The following TMX3 variants were observed in gnomAD, a reference collection of about 807,000 sequenced individuals.
TMX3 encodes thioredoxin related transmembrane protein 3.
Under a neutral mutation model 64.4 loss-of-function variants are expected in TMX3, and 40 were observed. The observed-to-expected ratio is 0.62, with a 90% CI of 0.48 to 0.81. The LOEUF is 0.81. Ranked by LOEUF, TMX3 falls within the 30% of genes least tolerant of loss-of-function variation. The pLI is 0.00. For missense variants in TMX3, 497 were observed against 534.5 expected (o/e 0.93, Z 0.69); for synonymous variants, 189 against 175.7 (o/e 1.08, Z -0.60).
At chr18:68,714,884 G>C (rs1004472312) in intron 1 of TMX3, 52 bp downstream of exon 1, 34 of 1,546,648 alleles carry the variant, frequency 2.2e-5, no homozygotes, top group South Asian at 7.2e-5. Context: ...GCCCCACGGC[G>C]GGGCCAGGTC....
chr18:68,700,433 TATC>T lies in TMX3; in HGVS notation c.361_363del (p.Asp121del). Reference sequence around the variant, plus strand: ...GATACTCTGTGAGCAAACTCAATAATATCATCTTTTGTTCGTGGTCCTCTATAA... The same window carrying T: ...GATACTCTGTGAGCAAACTCAATAATATCTTTTGTTCGTGGTCCTCTATAA... On this transcript the variant is annotated inframe_deletion, in exon 6 of 16. Transcript: ENST00000299608. The T allele has an allele frequency of 6.3e-7, 1 of 1,582,094 alleles. No homozygotes were observed. The highest frequency in any genetic ancestry group is 8.6e-7 in the Non-Finnish European group (1 of 1,165,868).
At chr18:68,711,529 C>A (rs1201863460) in intron 2 of TMX3, 126 bp from the exon 3 acceptor site, 2 of 557,792 alleles carry the variant, frequency 3.6e-6, no homozygotes, top group South Asian at 4.1e-5. Context: ...TAATACTTTA[C>A]ATAAAATTTT....
Position 68,676,694 on chromosome 18 carries a change from T to C in TMX3, c.*239A>G. The C allele has an allele frequency of 1.9e-6, 1 of 526,188 alleles. No individual in the cohort carries two copies. Among genetic ancestry groups the C allele is most frequent in the Non-Finnish European group, 3.4e-6 (1 of 297,756 alleles). 32.6% of individuals were successfully genotyped at this position (526,188 alleles called of 1,614,324 possible). The stretch of plus-strand genomic sequence containing the variant: ...TGCAAATAGAATTGTTCTGTTCTAA[T>C]CACAAAGATCAGGTAAATTTTGATG... On this transcript the variant is annotated 3_prime_UTR_variant, in exon 16 of 16. Transcript: ENST00000299608.
intron 12 of TMX3, among the ~76,000 whole-genome samples, chr18:68,683,667 T>C (rs959589854): frequency 2.0e-5 from 3 of 152,060 alleles, no homozygotes; most frequent in African/African-American, 7.2e-5. Context: ...GATCAAAGTA[T>C]CTCTTTTTTT....
At chr18:68,680,402 C>T (rs1913303190) in intron 14 of TMX3, among the ~76,000 whole-genome samples, 1 of 152,064 alleles carries the variant, frequency 6.6e-6, no homozygotes, top group South Asian at 2.1e-4. Flanking sequence ...GTTTGAAAAA[C>T]ACTGCAGTTA....
chr18:68,704,377 G>C (rs1033011375), intron 4 of TMX3, among the ~76,000 whole-genome samples: 1 of 151,926 alleles, frequency 6.6e-6, no homozygotes. Context: ...AGGAAGATTC[G>C]GTAACTCGTT....
chr18:68,698,303 C>T (rs546876039), intron 6 of TMX3, among the ~76,000 whole-genome samples: 2 of 152,262 alleles, frequency 1.3e-5, no homozygotes, highest in Admixed American at 1.3e-4. Context: ...ACCATCATTA[C>T]TAGTATTTTG....
chr18:68,701,919 T>C (rs536515468), intron 4 of TMX3, 129 bp from the exon 5 acceptor site: 5 of 645,616 alleles, frequency 7.7e-6, no homozygotes, highest in Non-Finnish European at 7.7e-6. Flanking sequence ...TTTTAAGTCT[T>C]AAGATTATAA....
rs910220922 is a variant in TMX3 at position 68,706,853 on chromosome 18, T to C, written c.265+3168A>G. Among the ~76,000 whole-genome samples, 4 of 152,240 alleles carry C rather than the reference T, an allele frequency of 2.6e-5. 1 individual carries two copies. The highest frequency in any genetic ancestry group is 2.6e-4 in the Admixed American group (4 of 15,288). ...TGTTTGTAATATGTGAACGGTGGTT[T>C]TGAATACTTAACTTCTTTAACACTA... On this transcript the variant is annotated intron_variant, in intron 4 of 15. Transcript: ENST00000299608.
At chr18:68,679,437 C>G in intron 15 of TMX3, 26 bp downstream of exon 15, 1 of 1,574,936 alleles carries the variant, frequency 6.3e-7, no homozygotes, top group Non-Finnish European at 8.7e-7. Flanking sequence ...TCTTCATTAT[C>G]AATGACATAA....
At chr18:68,704,859 G>A (rs927672358) in intron 4 of TMX3, among the ~76,000 whole-genome samples, 3 of 152,068 alleles carry the variant, frequency 2.0e-5, no homozygotes, top group Non-Finnish European at 4.4e-5. Context: ...TGGATACTAG[G>A]CCTAATTCTG....
chr18:68,707,599 A>G (rs1236857084), intron 4 of TMX3, among the ~76,000 whole-genome samples: 1 of 152,092 alleles, frequency 6.6e-6, no homozygotes, highest in Non-Finnish European at 1.5e-5. Context: ...TATATGCACT[A>G]TTTTTCTCAT....
intron 7 of TMX3, chr18:68,697,597 T>C (rs1915219041): frequency 3.0e-6 from 1 of 335,930 alleles, no homozygotes. Flanking sequence ...GTGATGATTA[T>C]AGGAAGATAT....
intron 13 of TMX3, 28 bp downstream of exon 13, chr18:68,682,897 C>G (rs1466021281): frequency 6.3e-7 from 1 of 1,574,822 alleles, no homozygotes; most frequent in Non-Finnish European, 8.6e-7. Flanking sequence ...ATAGATTTGA[C>G]AGCAAAATCA....
At chr18:68,697,141 T>C in intron 8 of TMX3, 85 bp downstream of exon 8, 1 of 735,972 alleles carries the variant, frequency 1.4e-6, no homozygotes. Context: ...TTTAATCAAG[T>C]AATAAAATCA....
At chr18:68,709,323 CT>C (rs1456204753) in intron 4 of TMX3, among the ~76,000 whole-genome samples, 1 of 152,074 alleles carries the variant, frequency 6.6e-6, no homozygotes, top group African/African-American at 2.4e-5. Flanking sequence ...TTCCCAAATC[CT>C]TTAAAACAGG....
chr18:68,704,600 T>C (rs140813804), intron 4 of TMX3, among the ~76,000 whole-genome samples: 103 of 152,310 alleles, frequency 6.8e-4, no homozygotes, highest in African/African-American at 2.4e-3. Flanking sequence ...TCAGTCTAAT[T>C]GACTTTAAAT....
chr18:68,713,315 G>C (rs2031480475), intron 2 of TMX3, among the ~76,000 whole-genome samples: 1 of 152,194 alleles, frequency 6.6e-6, no homozygotes, highest in African/African-American at 2.4e-5. Flanking sequence ...ATGCAAATGA[G>C]CGTGGCTGGC....
intron 4 of TMX3, among the ~76,000 whole-genome samples, chr18:68,707,311 C>A (rs1171351751): frequency 6.6e-6 from 1 of 151,970 alleles, no homozygotes; most frequent in Non-Finnish European, 1.5e-5. Flanking sequence ...GAGGTTTATC[C>A]ATATCCAATG....
Sources: gnomAD v4.1 joint callset for allele counts (sites outside exome capture counted in the v4.1 genomes callset) on GRCh38, gnomAD v4.1.1 for gene constraint, MANE v1.5 for transcripts, NCBI Gene and HGNC (gene_info 2026-07-23, HGNC 2026-07-21) for gene names.